MTHFD1L: variants seen among roughly 807,000 people sequenced by gnomAD.
MTHFD1L encodes the protein monofunctional C1-tetrahydrofolate synthase, mitochondrial.
Under a neutral mutation model 119.5 loss-of-function variants are expected in MTHFD1L, and 81 were observed. The ratio of observed to expected loss-of-function variants is 0.68; its 90% CI spans 0.57 to 0.82. The LOEUF is 0.82. Ranked by LOEUF, MTHFD1L falls within the 40% of genes least tolerant of loss-of-function variation. The probability of loss-of-function intolerance (pLI) is 0.00; values close to 1 mark genes in which losing one functional copy is unlikely to be tolerated. For missense variants in MTHFD1L, 1,125 were observed against 1,253.4 expected, an observed-to-expected ratio of 0.90 and a Z score of 1.55; for synonymous variants, 430 against 475.2, an observed-to-expected ratio of 0.90 and a Z score of 1.24.
chr6:150,898,772 A>G (rs57108303), intron 7 of MTHFD1L: 7,785 of 351,774 alleles, frequency 0.022, 584 homozygotes, highest in African/African-American at 0.16. Flanking sequence ...CTACATACAC[A>G]TTCTCTTTCT....
intron 26 of MTHFD1L, among the ~76,000 whole-genome samples, chr6:151,065,671 T>G (rs957015664): frequency 6.6e-6 from 1 of 152,224 alleles, no homozygotes; most frequent in Non-Finnish European, 1.5e-5. Context: ...CACAGCAGTA[T>G]TCAGGAATCC....
intron 26 of MTHFD1L, among the ~76,000 whole-genome samples, chr6:151,075,745 A>G (rs1425147071): frequency 6.6e-5 from 10 of 152,250 alleles, no homozygotes; most frequent in Admixed American, 4.6e-4. Context: ...TAAGGGCTCA[A>G]ATCATACAAA....
intron 26 of MTHFD1L, among the ~76,000 whole-genome samples, chr6:151,059,854 C>T (rs926820183): frequency 5.3e-5 from 8 of 152,158 alleles, no homozygotes; most frequent in African/African-American, 1.9e-4. Flanking sequence ...GGGAGTCGCC[C>T]GCTTTATTTA....
At chr6:150,955,742 C>T (rs1467401883) in intron 16 of MTHFD1L, among the ~76,000 whole-genome samples, 4 of 152,104 alleles carry the variant, frequency 2.6e-5, no homozygotes, top group Non-Finnish European at 4.4e-5. Flanking sequence ...TCAAACGATC[C>T]ACCCACCTCA....
intron 25 of MTHFD1L, among the ~76,000 whole-genome samples, chr6:151,036,016 C>T (rs1786112167): frequency 6.6e-6 from 1 of 152,186 alleles, no homozygotes; most frequent in African/African-American, 2.4e-5. Flanking sequence ...TCCAAGTCCT[C>T]CCTGAGTTGA....
chr6:151,054,975 C>G (rs749505106), intron 26 of MTHFD1L: 1 of 152,062 alleles, frequency 6.6e-6, no homozygotes, highest in African/African-American at 2.4e-5. Flanking sequence ...AAAATTAAAA[C>G]CGTAATTCAG....
chr6:150,912,543 C>A, intron 8 of MTHFD1L: 1 of 308,218 alleles, frequency 3.2e-6, no homozygotes, highest in African/African-American at 2.2e-5. Context: ...GCATCCCTCC[C>A]ACTGCAGTGA....
chr6:150,899,900 G>A (rs1784839897), intron 7 of MTHFD1L, among the ~76,000 whole-genome samples: 1 of 151,650 alleles, frequency 6.6e-6, no homozygotes, highest in Non-Finnish European at 1.5e-5. Flanking sequence ...GAACCCAGGA[G>A]GCAGAGGTTG....
chr6:151,040,494 T>C (rs1176072537), intron 26 of MTHFD1L, among the ~76,000 whole-genome samples: 3 of 114,316 alleles, frequency 2.6e-5, no homozygotes, highest in Non-Finnish European at 5.6e-5. Flanking sequence ...AAGGATTGCT[T>C]CAGGCCAGGA....
At chr6:151,084,985 ATAT>A (rs1225702837) in intron 26 of MTHFD1L, among the ~76,000 whole-genome samples, 550 of 97,098 alleles carry the variant, frequency 5.7e-3, no homozygotes, top group East Asian at 0.034. Context: ...AAAAAAAAAA[ATAT>A]ATATATATAT....
At position 150,938,734 on chromosome 6, in the gene MTHFD1L, C is replaced by A. The variant is rs1436429510; in HGVS notation, c.1429C>A (p.Pro477Thr). ...GGGTGGTGGATATGCCCAGGTCATC[C>A]CCATGGAGGAGGTAAGACCTTGAAG... ...AAGGGYAQVI[P>T]MEEFNLHLTG... is the part of the protein sequence containing the mutation. Residue 477 changes from proline to threonine, a missense_variant, in exon 13 of 28, where the codon CCC becomes ACC. By Grantham distance (38) the Pro-to-Thr change is conservative (BLOSUM62 -1). Coordinates refer to ENST00000367321, the MANE Select transcript of MTHFD1L (RefSeq NM_015440.5). The A allele has an allele frequency of 6.2e-7, 1 of 1,609,588 alleles. No individual in the cohort carries two copies. Among genetic ancestry groups the A allele is most frequent in the Non-Finnish European group, 8.5e-7 (1 of 1,178,236 alleles).
At chr6:151,101,385 C>G (rs1795358347) in intron 27 of MTHFD1L, 141 bp from the exon 28 acceptor site, 1 of 152,146 alleles carries the variant, frequency 6.6e-6, no homozygotes, top group Non-Finnish European at 1.5e-5. Context: ...CACAGATCAG[C>G]CTTATCTAGC....
At chr6:151,052,958 A>C (rs1789289213) in intron 26 of MTHFD1L, among the ~76,000 whole-genome samples, 1 of 152,196 alleles carries the variant, frequency 6.6e-6, no homozygotes, top group African/African-American at 2.4e-5. Context: ...CTGCACTGAG[A>C]TCGCCCGTCG....
At chr6:150,913,504 C>T (rs987955266) in intron 8 of MTHFD1L, among the ~76,000 whole-genome samples, 1 of 151,984 alleles carries the variant, frequency 6.6e-6, no homozygotes, top group Non-Finnish European at 1.5e-5. Flanking sequence ...CGAGGTTTCA[C>T]CAGGTTGCTC....
At chr6:151,096,924 T>A (rs1794938334) in intron 27 of MTHFD1L, among the ~76,000 whole-genome samples, 1 of 152,248 alleles carries the variant, frequency 6.6e-6, no homozygotes, top group African/African-American at 2.4e-5. Flanking sequence ...TTCTCTGTAG[T>A]GCCTTCACTG....
intron 18 of MTHFD1L, among the ~76,000 whole-genome samples, 158 bp from the exon 19 acceptor site, chr6:150,964,811 G>C (rs1796962327): frequency 6.6e-6 from 1 of 152,164 alleles, no homozygotes; most frequent in African/African-American, 2.4e-5. Context: ...CAGCTCTGGT[G>C]GGGAGAGGTG....
chr6:151,000,247 G>A (rs1254895151), intron 20 of MTHFD1L, among the ~76,000 whole-genome samples: 1 of 151,358 alleles, frequency 6.6e-6, no homozygotes, highest in Non-Finnish European at 1.5e-5. Context: ...TGAGGCAGGA[G>A]AATTGCTTGA....
At position 150,960,960 on chromosome 6, in the gene MTHFD1L, G is replaced by A. The variant is rs193139409; in HGVS notation, c.1944+545G>A. On this transcript the variant is annotated intron_variant, in intron 18 of 27. Transcript: ENST00000367321. The stretch of plus-strand genomic sequence containing the variant: ...AGTCTTGCTTTTCTAGTTCCCCTTT[G>A]AGTAGTTGTGGTGCTTTCTGTAAAG... 6.0e-3 allele frequency among the ~76,000 whole-genome samples: 912 copies of A among 152,180 alleles called. 3 individuals are homozygous for A. The highest frequency in any genetic ancestry group is 0.01 in the Non-Finnish European group (681 of 68,010).
intron 7 of MTHFD1L, among the ~76,000 whole-genome samples, chr6:150,897,984 A>G (rs1205713815): frequency 6.6e-6 from 1 of 152,108 alleles, no homozygotes; most frequent in Non-Finnish European, 1.5e-5. Flanking sequence ...AGCTGGGATT[A>G]CAAGCATGCG....
Sources: allele counts gnomAD v4.1 joint callset (sites outside exome capture counted in the v4.1 genomes callset), GRCh38; gene constraint gnomAD v4.1.1; transcripts MANE v1.5; gene names NCBI Gene and HGNC (gene_info 2026-07-23, HGNC 2026-07-21).